Variants in IRGM observed in about 807,000 individuals in gnomAD.
IRGM encodes the protein immunity-related GTPase family M protein.
For synonymous variants in IRGM, 98 were observed against 80.6 expected (o/e 1.22, Z -1.16); for missense variants, 288 against 219.9 (o/e 1.31, Z -1.96).
intron 1 of IRGM, among the ~76,000 whole-genome samples, chr5:150,865,842 T>G (rs1417321298): frequency 6.6e-6 from 1 of 152,144 alleles, no homozygotes; most frequent in African/African-American, 2.4e-5. Flanking sequence ...CTGCAGACTC[T>G]GCCTCCTGGG....
chr5:150,885,626 T>C (rs889217959), intron 3 of IRGM, among the ~76,000 whole-genome samples: 2 of 152,118 alleles, frequency 1.3e-5, no homozygotes, highest in African/African-American at 4.8e-5. Flanking sequence ...GTAGAGATCA[T>C]TCACCTCTCC....
rs550981659 is a variant in IRGM, at chr5:150,855,834, G to A, written c.158+7180G>A. Among the ~76,000 whole-genome samples the A allele has an allele frequency of 6.6e-5, 10 of 152,262 alleles. No individual in the cohort carries two copies. The South Asian group carries it at 2.1e-3, about 32-fold the overall frequency. On this transcript the variant is annotated intron_variant and NMD_transcript_variant, in intron 1 of 3. Transcript: ENST00000520549. Reference sequence around the variant, plus strand: ...GCCAAATGTGAAATAAGACTATTAGGAAGAAGGCAAAAACACAGAAACAAT... The same window carrying A: ...GCCAAATGTGAAATAAGACTATTAGAAAGAAGGCAAAAACACAGAAACAAT...
intron 3 of IRGM, among the ~76,000 whole-genome samples, chr5:150,885,081 T>G (rs1232926917): frequency 6.6e-6 from 1 of 152,174 alleles, no homozygotes; most frequent in Non-Finnish European, 1.5e-5. Flanking sequence ...CCATCTTGGT[T>G]AATTTTTGTA....
intron 1 of IRGM, among the ~76,000 whole-genome samples, chr5:150,857,911 C>T (rs1443765394): frequency 6.6e-6 from 1 of 150,892 alleles, no homozygotes; most frequent in Non-Finnish European, 1.5e-5. Flanking sequence ...TTTTGCTGTG[C>T]AGAAGCTCTT....
At chr5:150,864,824 C>G (rs1339787028) in intron 1 of IRGM, among the ~76,000 whole-genome samples, 3 of 152,248 alleles carry the variant, frequency 2.0e-5, no homozygotes, top group Admixed American at 2.0e-4. Flanking sequence ...CACGTTAGTG[C>G]TGTGCAATGG....
downstream of IRGM, among the ~76,000 whole-genome samples, chr5:150,851,744 G>A (rs28703930): frequency 0.021 from 3,256 of 152,258 alleles, 114 homozygotes; most frequent in African/African-American, 0.075. Flanking sequence ...ACCACTGATG[G>A]TATTTACAAG....
chr5:150,854,070 C>T (rs1047016969), intron 1 of IRGM, among the ~76,000 whole-genome samples: 1 of 150,918 alleles, frequency 6.6e-6, no homozygotes, highest in African/African-American at 2.4e-5. Context: ...TTTTTATTTC[C>T]TTTTGTGTAC....
Position 150,848,576 on chromosome 5 carries a change from C to T in IRGM, c.453C>T (p.Asp151=). 2 of 1,551,676 alleles carry T rather than the reference C, an allele frequency of 1.3e-6. No individual in the cohort carries two copies. The highest frequency in any genetic ancestry group is 1.7e-6 in the Non-Finnish European group (2 of 1,146,830). ...TTGTCTGGACCAAGCTAGACATGGA[C>T]CTCAGCACAGGTGCCCTCCCAGAAG... The part of the protein sequence containing the change: ...FYIVWTKLDM[D]LSTGALPEVQ... Residue 151 remains aspartate (D), a synonymous_variant, in exon 2 of 2, where the codon GAC becomes GAT. Transcript: ENST00000522154.
intron 3 of IRGM, chr5:150,898,416 A>G: frequency 6.2e-7 from 1 of 1,613,474 alleles, no homozygotes; most frequent in South Asian, 1.1e-5. Context: ...TATTCAGGGA[A>G]GCCATCCTTA....
At position 150,866,528 on chromosome 5, in the gene IRGM, C is replaced by T. The variant is rs544461668; in HGVS notation, c.159-11452C>T. Among the ~76,000 whole-genome samples the T allele has an allele frequency of 1.4e-4, 22 of 152,200 alleles. No individual in the cohort carries two copies. In the South Asian group the frequency reaches 4.1e-3, roughly 29 times the overall value. ...ATCTGAAATTTTGAAGATGGTACAA[C>T]CCATTGTCTTTTTGGTAATGTTACA... On this transcript the variant is annotated intron_variant and NMD_transcript_variant, in intron 1 of 3. Transcript: ENST00000520549.
chr5:150,854,990 T>A (rs1754031336), intron 1 of IRGM, among the ~76,000 whole-genome samples: 1 of 152,210 alleles, frequency 6.6e-6, no homozygotes, highest in Non-Finnish European at 1.5e-5. Context: ...TTGCTCTTTT[T>A]TTCTGACTGT....
chr5:150,856,373 G>A (rs1754049354), intron 1 of IRGM, among the ~76,000 whole-genome samples: 1 of 152,184 alleles, frequency 6.6e-6, no homozygotes, highest in Admixed American at 6.5e-5. Flanking sequence ...AGAGGCTGCA[G>A]TGAGCTGAGA....
chr5:150,873,665 C>G (rs147157920), intron 1 of IRGM, among the ~76,000 whole-genome samples: 1 of 152,108 alleles, frequency 6.6e-6, no homozygotes, highest in Non-Finnish European at 1.5e-5. Flanking sequence ...GGTCCCTGGA[C>G]TCATCCTGTG....
chr5:150,866,322 G>A (rs1051713186), intron 1 of IRGM, among the ~76,000 whole-genome samples: 1 of 152,184 alleles, frequency 6.6e-6, no homozygotes, highest in African/African-American at 2.4e-5. Flanking sequence ...GTGTGGGAGT[G>A]ACCACATTTA....
intron 1 of IRGM, among the ~76,000 whole-genome samples, chr5:150,873,928 C>G (rs1439660716): frequency 6.6e-6 from 1 of 152,200 alleles, no homozygotes; most frequent in Non-Finnish European, 1.5e-5. Context: ...CACTACATCC[C>G]AGTTCAACTC....
At chr5:150,881,883 G>T (rs1331599459) in intron 3 of IRGM, among the ~76,000 whole-genome samples, 1 of 152,022 alleles carries the variant, frequency 6.6e-6, no homozygotes, top group African/African-American at 2.4e-5. Flanking sequence ...TAACACAAAA[G>T]ATAAAAAGTA....
downstream of IRGM, among the ~76,000 whole-genome samples, chr5:150,852,985 C>T (rs961016946): frequency 6.6e-6 from 1 of 152,014 alleles, no homozygotes; most frequent in Non-Finnish European, 1.5e-5. Context: ...ATTTTTTCTG[C>T]TATCTTTGGG....
intron 3 of IRGM, among the ~76,000 whole-genome samples, chr5:150,882,719 A>T (rs1371127843): frequency 6.6e-6 from 1 of 152,200 alleles, no homozygotes; most frequent in Non-Finnish European, 1.5e-5. Flanking sequence ...AGATGAATGG[A>T]GCAAATATGA....
At chr5:150,900,059 A>C (rs1754940160) in intron 3 of IRGM, among the ~76,000 whole-genome samples, 1 of 152,056 alleles carries the variant, frequency 6.6e-6, no homozygotes, top group South Asian at 2.1e-4. Context: ...CAATCCTGTT[A>C]ATTTTCCTAT....
Sources: allele counts gnomAD v4.1 joint callset (sites outside exome capture counted in the v4.1 genomes callset), GRCh38; gene constraint gnomAD v4.1.1; transcripts MANE v1.5; gene names NCBI Gene and HGNC (gene_info 2026-07-23, HGNC 2026-07-21).